The following TMEM132D variants were observed in gnomAD, a reference collection of about 807,000 sequenced individuals.
The protein encoded by TMEM132D is mature OL transmembrane protein.
In TMEM132D, 21 loss-of-function variants were observed where a neutral mutation model predicts 62.3. The ratio of observed to expected loss-of-function variants is 0.34; its 90% CI spans 0.24 to 0.49. TMEM132D has a LOEUF of 0.49. Among genes scored for constraint, TMEM132D ranks in the 20% least tolerant of loss-of-function variants. TMEM132D has a pLI of 0.99. For missense variants in TMEM132D, 1,346 were observed against 1,402.8 expected (o/e 0.96, Z 0.65); for synonymous variants, 621 against 575.6 (o/e 1.08, Z -1.13).
At chr12:129,714,257 G>A (rs1868483372) in intron 1 of TMEM132D, among the ~76,000 whole-genome samples, 1 of 152,204 alleles carries the variant, frequency 6.6e-6, no homozygotes, top group Non-Finnish European at 1.5e-5. Flanking sequence ...GACCACTGAA[G>A]TAACCCTTCC....
intron 4 of TMEM132D, among the ~76,000 whole-genome samples, chr12:129,299,249 T>A (rs1490604639): frequency 6.6e-6 from 1 of 152,156 alleles, no homozygotes; most frequent in Admixed American, 6.5e-5. Flanking sequence ...GGGGTCAGCC[T>A]GTGTGTGGCC....
intron 5 of TMEM132D, among the ~76,000 whole-genome samples, chr12:129,156,426 C>G (rs975608756): frequency 3.3e-5 from 5 of 152,196 alleles, no homozygotes; most frequent in African/African-American, 1.2e-4. Context: ...TGAGAACTAA[C>G]TCACTGTTGA....
rs1872791028 is a variant in TMEM132D, at chr12:129,830,313, G to A, written c.79+72948C>T. ...CTCATATATCATCCAGAAGAGCTGT[G>A]AAAGGAAAATATCTTGGGCCCTCAA... On this transcript the variant is annotated intron_variant, in intron 1 of 8. Transcript: ENST00000422113. Among the ~76,000 whole-genome samples, 3 of 152,278 alleles carry A rather than the reference G, an allele frequency of 2.0e-5. No individual in the cohort carries two copies. The South Asian group carries it at 6.2e-4, about 32-fold the overall frequency.
At chr12:129,198,764 C>T (rs368930573) in intron 5 of TMEM132D, among the ~76,000 whole-genome samples, 3 of 152,070 alleles carry the variant, frequency 2.0e-5, no homozygotes, top group African/African-American at 4.8e-5. Flanking sequence ...CATTTCAAAA[C>T]GTGTCAAGAG....
intron 3 of TMEM132D, among the ~76,000 whole-genome samples, chr12:129,454,474 C>T (rs1593016240): frequency 1.3e-5 from 2 of 152,248 alleles, no homozygotes; most frequent in East Asian, 3.9e-4. Context: ...TTTAAGAAGT[C>T]TCCTATTTTT....
At chr12:129,598,510 T>C (rs957039754) in intron 2 of TMEM132D, among the ~76,000 whole-genome samples, 2 of 152,222 alleles carry the variant, frequency 1.3e-5, no homozygotes, top group African/African-American at 4.8e-5. Context: ...TTTCTGTTGT[T>C]GTTGCTTCTA....
intron 4 of TMEM132D, among the ~76,000 whole-genome samples, chr12:129,301,985 C>A (rs978847130): frequency 8.6e-5 from 13 of 151,682 alleles, no homozygotes; most frequent in Non-Finnish European, 1.9e-4. Flanking sequence ...AAAAAAAAAA[C>A]GTATTGTCTA....
chr12:129,468,458 G>T (rs960499065), intron 3 of TMEM132D, among the ~76,000 whole-genome samples: 1 of 152,132 alleles, frequency 6.6e-6, no homozygotes, highest in Non-Finnish European at 1.5e-5. Context: ...TATCATCAAG[G>T]CAGCATCTCT....
chr12:129,532,938 C>A (rs896929869), intron 2 of TMEM132D, among the ~76,000 whole-genome samples: 5 of 152,152 alleles, frequency 3.3e-5, no homozygotes, highest in Admixed American at 6.5e-5. Context: ...TTTCCCTCTG[C>A]GGACCATGCT....
At chr12:129,325,891 T>C (rs1171004263) in intron 4 of TMEM132D, among the ~76,000 whole-genome samples, 1 of 152,252 alleles carries the variant, frequency 6.6e-6, no homozygotes, top group East Asian at 1.9e-4. Context: ...CTCGACACTG[T>C]CCAGTGGACA....
At chr12:129,264,836 G>T (rs904762575) in intron 4 of TMEM132D, among the ~76,000 whole-genome samples, 1 of 152,180 alleles carries the variant, frequency 6.6e-6, no homozygotes, top group Non-Finnish European at 1.5e-5. Flanking sequence ...AACATTGTAT[G>T]TTCTCACTGA....
chr12:129,760,209 TCTC>T (rs944586925), intron 1 of TMEM132D, among the ~76,000 whole-genome samples: 3 of 151,918 alleles, frequency 2.0e-5, no homozygotes, highest in Admixed American at 2.0e-4. Context: ...GCCCAGCCCA[TCTC>T]CTCTTTTTGA....
intron 1 of TMEM132D, among the ~76,000 whole-genome samples, chr12:129,882,259 T>A (rs1252346692): frequency 1.3e-5 from 2 of 152,186 alleles, no homozygotes; most frequent in African/African-American, 4.8e-5. Flanking sequence ...ATACTCCTCA[T>A]CTCTTTTACG....
chr12:129,845,069 A>T (rs1873318669), intron 1 of TMEM132D, among the ~76,000 whole-genome samples: 2 of 152,212 alleles, frequency 1.3e-5, no homozygotes, highest in South Asian at 4.1e-4. Flanking sequence ...GTGTTTTCAA[A>T]ACGAGAAGTT....
intron 1 of TMEM132D, among the ~76,000 whole-genome samples, chr12:129,704,517 T>C (rs1318147457): frequency 1.3e-5 from 2 of 152,172 alleles, no homozygotes; most frequent in African/African-American, 2.4e-5. Context: ...AGGTTTGACA[T>C]AGCCACACTG....
At chr12:129,603,562 GAAAAAAAGTTC>G in intron 2 of TMEM132D, among the ~76,000 whole-genome samples, 1 of 152,024 alleles carries the variant, frequency 6.6e-6, no homozygotes, top group African/African-American at 2.4e-5. Context: ...AGAAACATAT[GAAAAAAAGTTC>G]ATCATCACTG....
intron 3 of TMEM132D, among the ~76,000 whole-genome samples, chr12:129,507,810 A>G (rs1382501368): frequency 6.6e-6 from 1 of 152,178 alleles, no homozygotes; most frequent in Non-Finnish European, 1.5e-5. Flanking sequence ...ACCACTAAAG[A>G]ACTTACTCAT....
intron 1 of TMEM132D, among the ~76,000 whole-genome samples, chr12:129,715,048 T>A (rs959579888): frequency 6.6e-6 from 1 of 152,234 alleles, no homozygotes; most frequent in Non-Finnish European, 1.5e-5. Context: ...GTGTTACATC[T>A]CATAATTTTT....
At chr12:129,437,747 T>C (rs1872825542) in intron 3 of TMEM132D, among the ~76,000 whole-genome samples, 1 of 152,136 alleles carries the variant, frequency 6.6e-6, no homozygotes, top group African/African-American at 2.4e-5. Flanking sequence ...TTTTTTCTTT[T>C]TTTAAATTAT....
Sources: gnomAD v4.1 joint callset for allele counts (sites outside exome capture counted in the v4.1 genomes callset) on GRCh38, gnomAD v4.1.1 for gene constraint, MANE v1.5 for transcripts, NCBI Gene and HGNC (gene_info 2026-07-23, HGNC 2026-07-21) for gene names.